Variants in ZFPM2 observed in about 807,000 individuals in gnomAD.
ZFPM2 encodes zinc finger protein ZFPM2.
ZFPM2 carries 20 observed loss-of-function variants against 98.6 expected under a neutral mutation model. The ratio of observed to expected loss-of-function variants is 0.20; its 90% CI spans 0.14 to 0.29. The LOEUF is 0.29. Among genes scored for constraint, ZFPM2 ranks in the 10% least tolerant of loss-of-function variants. The pLI, the probability that ZFPM2 is intolerant of heterozygous loss-of-function variation, is 1.00. For synonymous variants in ZFPM2, 518 were observed against 502.7 expected, an observed-to-expected ratio of 1.03 and a Z score of -0.41; for missense variants, 1,310 against 1,388.6, an observed-to-expected ratio of 0.94 and a Z score of 0.90.
At chr8:105,496,677 T>G (rs1040089439) in intron 3 of ZFPM2, among the ~76,000 whole-genome samples, 139 of 149,270 alleles carry the variant, frequency 9.3e-4, no homozygotes, top group African/African-American at 3.3e-3. Flanking sequence ...TTTTTGGTTT[T>G]TTTTTTTTTT....
intron 6 of ZFPM2, chr8:105,798,170 G>A (rs1457579423): frequency 1.3e-5 from 2 of 152,170 alleles, no homozygotes; most frequent in African/African-American, 4.8e-5. Context: ...AAATATCTTA[G>A]GCCAGGCAGT....
intron 1 of ZFPM2, among the ~76,000 whole-genome samples, chr8:105,336,694 A>T (rs373604850): frequency 0.026 from 3,676 of 140,730 alleles, 112 homozygotes; most frequent in African/African-American, 0.081. Flanking sequence ...TACTCCACAC[A>T]CACACACACA....
intron 5 of ZFPM2, among the ~76,000 whole-genome samples, chr8:105,735,207 G>C (rs967702635): frequency 6.7e-6 from 1 of 150,078 alleles, no homozygotes; most frequent in Non-Finnish European, 1.5e-5. Flanking sequence ...TTTGTAATCT[G>C]TTGCTGCTGT....
rs1200178686 is a variant in ZFPM2, at chr8:105,688,482, CAT to C, written c.532+54126_532+54127del. 2.6e-5 allele frequency among the ~76,000 whole-genome samples: 4 copies of C among 151,866 alleles called. No individual in the cohort carries two copies. The East Asian group carries it at 5.8e-4, about 22-fold the overall frequency. On this transcript the variant is annotated intron_variant, in intron 5 of 7. Coordinates refer to ENST00000407775, the MANE Select transcript of ZFPM2 (RefSeq NM_012082.4). ...TTGCTTCATTTATGGAATATATAAA[CAT>C]GTAAAATTTAGGCAAACTTTTGGGT...
At chr8:105,760,320 T>C (rs1812706815) in intron 5 of ZFPM2, among the ~76,000 whole-genome samples, 1 of 152,062 alleles carries the variant, frequency 6.6e-6, no homozygotes, top group African/African-American at 2.4e-5. Flanking sequence ...ACATGCAATA[T>C]ACATATTTAA....
chr8:105,623,701 T>G (rs1332200149), intron 4 of ZFPM2, among the ~76,000 whole-genome samples: 1 of 152,126 alleles, frequency 6.6e-6, no homozygotes, highest in Admixed American at 6.5e-5. Context: ...CAGAATACCT[T>G]TGGGTAATTC....
intron 4 of ZFPM2, among the ~76,000 whole-genome samples, chr8:105,591,691 A>G (rs1373271004): frequency 3.3e-5 from 5 of 152,172 alleles, no homozygotes; most frequent in African/African-American, 7.2e-5. Flanking sequence ...TAGAAATGCA[A>G]TTTATAAAGC....
At chr8:105,446,465 T>G (rs1812372443) in intron 3 of ZFPM2, among the ~76,000 whole-genome samples, 1 of 152,122 alleles carries the variant, frequency 6.6e-6, no homozygotes, top group African/African-American at 2.4e-5. Flanking sequence ...ACACATGCTG[T>G]ACACCCAGTG....
rs571656925 is a variant in ZFPM2, at chr8:105,457,606, A to G, written c.301+13225A>G. Among the ~76,000 whole-genome samples the G allele has an allele frequency of 3.3e-5, 5 of 152,312 alleles. No homozygotes were observed. The South Asian group carries it at 1.0e-3, about 32-fold the overall frequency. On this transcript the variant is annotated intron_variant, in intron 3 of 7. Transcript: ENST00000407775. ...ATGCTGATGAGGTAACACAGGAAAT[A>G]ATGATCTGGTCAAGCAATCCCAAGG...
chr8:105,761,022 A>G (rs1812724066), intron 5 of ZFPM2, among the ~76,000 whole-genome samples: 1 of 152,066 alleles, frequency 6.6e-6, no homozygotes, highest in South Asian at 2.1e-4. Flanking sequence ...CCTAAAAAGG[A>G]CCAAGTTATA....
At chr8:105,687,492 A>G (rs1810768153) in intron 5 of ZFPM2, among the ~76,000 whole-genome samples, 1 of 152,196 alleles carries the variant, frequency 6.6e-6, no homozygotes, top group African/African-American at 2.4e-5. Flanking sequence ...TACTTTTTGT[A>G]TTAAAATTGT....
At chr8:105,690,935 G>A (rs915345989) in intron 5 of ZFPM2, 29 of 152,100 alleles carry the variant, frequency 1.9e-4, no homozygotes, top group African/African-American at 7.0e-4. Context: ...ACATGCAGAA[G>A]GTAAGAACAG....
At chr8:105,762,023 T>A (rs530129832) in intron 5 of ZFPM2, among the ~76,000 whole-genome samples, 2 of 152,090 alleles carry the variant, frequency 1.3e-5, no homozygotes, top group African/African-American at 4.8e-5. Flanking sequence ...ATGTATTATA[T>A]ATGTTAATTC....
Position 105,802,443 on chromosome 8 carries a change from A to G in ZFPM2, c.2361A>G (p.Arg787=). ...GGCTAGGAGAGTGCTACCACCCAAG[A>G]TGTGATATCTTTCCAGGAATTGTCT... is the stretch of plus-strand genomic sequence containing the variant. ...TEGLGECYHP[R]CDIFPGIVSK... Residue 787 remains arginine, a synonymous_variant, in exon 8 of 8, where the codon AGA becomes AGG. Coordinates refer to ENST00000407775, the MANE Select transcript of ZFPM2 (RefSeq NM_012082.4). 1.2e-6 allele frequency: 2 copies of G among 1,613,698 alleles called. No homozygotes were observed. The highest frequency in any genetic ancestry group is 1.7e-6 in the Non-Finnish European group (2 of 1,179,804).
At chr8:105,687,161 A>G (rs543042942) in intron 5 of ZFPM2, among the ~76,000 whole-genome samples, 1 of 152,176 alleles carries the variant, frequency 6.6e-6, no homozygotes, top group Non-Finnish European at 1.5e-5. Context: ...CCACATATTG[A>G]AAGCATCAGA....
At position 105,485,295 on chromosome 8, in the gene ZFPM2, T is replaced by G. The variant is rs113525946; in HGVS notation, c.301+40914T>G. ...AGGTTACTGGTTACTGCTTGTTTTT[T>G]TTTGTTTGTTTGTTTGTTTGTTTTT... On this transcript the variant is annotated intron_variant, in intron 3 of 7. Coordinates refer to ENST00000407775, the MANE Select transcript of ZFPM2 (RefSeq NM_012082.4). Among the ~76,000 whole-genome samples, 963 of 147,286 alleles carry G rather than the reference T, an allele frequency of 6.5e-3. 5 individuals are homozygous for G. Among genetic ancestry groups the G allele is most frequent in the Non-Finnish European group, 9.7e-3 (659 of 67,980 alleles).
chr8:105,678,771 C>T (rs1810532578), intron 5 of ZFPM2: 1 of 152,210 alleles, frequency 6.6e-6, no homozygotes. Context: ...CAGGTTGTGA[C>T]AGTCAAGCTA....
At chr8:105,529,476 A>G (rs769513238) in intron 3 of ZFPM2, among the ~76,000 whole-genome samples, 35 of 152,224 alleles carry the variant, frequency 2.3e-4, no homozygotes, top group Middle Eastern at 3.4e-3. Flanking sequence ...TGACTGTCAC[A>G]ATACACTGAG....
chr8:105,545,591 T>G (rs561457050), intron 3 of ZFPM2, among the ~76,000 whole-genome samples: 1 of 152,310 alleles, frequency 6.6e-6, no homozygotes, highest in East Asian at 1.9e-4. Flanking sequence ...TTGCTTCCAT[T>G]TTGGTGGCTT....
Sources: allele counts gnomAD v4.1 joint callset (sites outside exome capture counted in the v4.1 genomes callset), GRCh38; gene constraint gnomAD v4.1.1; transcripts MANE v1.5; gene names NCBI Gene and HGNC (gene_info 2026-07-23, HGNC 2026-07-21).